Variants in FARP1 observed in about 807,000 individuals in gnomAD.
The protein encoded by FARP1 is FERM, ARHGEF and pleckstrin domain-containing protein 1.
In FARP1, 52 loss-of-function variants were observed where a neutral mutation model predicts 128.8. That is an observed-to-expected ratio of 0.40 (90% CI 0.32 to 0.51). The LOEUF (loss-of-function observed/expected upper bound fraction) is 0.51. Ranked by LOEUF, FARP1 falls within the 20% of genes least tolerant of loss-of-function variation. The probability of loss-of-function intolerance (pLI) is 0.45; values close to 1 mark genes in which losing one functional copy is unlikely to be tolerated. For missense variants in FARP1, 1,333 were observed against 1,367.9 expected, an observed-to-expected ratio of 0.97 and a Z score of 0.40; for synonymous variants, 580 against 551.8, an observed-to-expected ratio of 1.05 and a Z score of -0.72.
At position 98,300,264 on chromosome 13, in the gene FARP1, C is replaced by T. The variant is rs945799767; in HGVS notation, c.172-43498C>T. Among the ~76,000 whole-genome samples the T allele has an allele frequency of 5.3e-4, 81 of 152,160 alleles. 1 individual carries two copies. The highest frequency in any genetic ancestry group is 5.9e-4 in the Admixed American group (9 of 15,274). On this transcript the variant is annotated intron_variant, in intron 2 of 26. Transcript: ENST00000319562. ...GGGTTGGCCTCGAGTAGTGTGGGGA[C>T]GACAGGCTTTCACGTTAGTCACTTA...
At chr13:98,236,527 A>G (rs1882429508) in intron 2 of FARP1, among the ~76,000 whole-genome samples, 9 of 152,204 alleles carry the variant, frequency 5.9e-5, no homozygotes, top group Admixed American at 5.2e-4. Flanking sequence ...AAAAATAAAT[A>G]TATTGGAAAA....
intron 19 of FARP1, among the ~76,000 whole-genome samples, chr13:98,436,968 G>T (rs1327453217): frequency 2.6e-5 from 4 of 152,232 alleles, no homozygotes; most frequent in Non-Finnish European, 5.9e-5. Context: ...TGGATTGGAG[G>T]AGGTGGCCCT....
chr13:98,242,182 T>C (rs1314686005), intron 2 of FARP1, among the ~76,000 whole-genome samples: 3 of 152,166 alleles, frequency 2.0e-5, no homozygotes, highest in Non-Finnish European at 4.4e-5. Context: ...AAAGTGTTGT[T>C]TGAGATCTAT....
At chr13:98,315,360 C>T (rs1485566873) in intron 2 of FARP1, among the ~76,000 whole-genome samples, 3 of 152,150 alleles carry the variant, frequency 2.0e-5, no homozygotes, top group Non-Finnish European at 4.4e-5. Context: ...CCGCCTCTGC[C>T]TCCCAAAGTG....
At chr13:98,162,224 C>T (rs1876937331) in intron 1 of FARP1, among the ~76,000 whole-genome samples, 1 of 152,098 alleles carries the variant, frequency 6.6e-6, no homozygotes, top group Non-Finnish European at 1.5e-5. Flanking sequence ...TCTTAAGTGT[C>T]AGGGGAGACA....
At chr13:98,248,652 A>G (rs1355197322) in intron 2 of FARP1, among the ~76,000 whole-genome samples, 1 of 152,140 alleles carries the variant, frequency 6.6e-6, no homozygotes, top group African/African-American at 2.4e-5. Flanking sequence ...TTTCCTGGTC[A>G]TTTGTGGACC....
chr13:98,431,319 A>G (rs1482260180), intron 18 of FARP1, 39 bp downstream of exon 18: 9 of 1,444,772 alleles, frequency 6.2e-6, no homozygotes, highest in Middle Eastern at 2.3e-4. Flanking sequence ...TGCCCATGCC[A>G]CAGTTCAGGC....
At chr13:98,385,617 A>G (rs777160971) in intron 7 of FARP1, 50 bp from the exon 8 acceptor site, 8 of 1,596,280 alleles carry the variant, frequency 5.0e-6, no homozygotes, top group African/African-American at 1.3e-5. Flanking sequence ...ATTAATAGAT[A>G]CAGGGAATTC....
At chr13:98,277,915 C>G (rs1221647218) in intron 2 of FARP1, among the ~76,000 whole-genome samples, 1 of 112,874 alleles carries the variant, frequency 8.9e-6, no homozygotes, top group Non-Finnish European at 1.8e-5. Context: ...CCAGGTGATT[C>G]TATTGTGCAG....
intron 5 of FARP1, among the ~76,000 whole-genome samples, chr13:98,374,300 T>A (rs993060056): frequency 3.3e-5 from 5 of 152,220 alleles, no homozygotes; most frequent in African/African-American, 1.2e-4. Context: ...GGTGTGTACC[T>A]GTAATCACAG....
chr13:98,395,592 A>ATCCCGG (rs771563231), intron 13 of FARP1, 116 bp downstream of exon 13: 16 of 1,263,496 alleles, frequency 1.3e-5, no homozygotes, highest in East Asian at 2.4e-5. Flanking sequence ...CCCGGTCCCG[A>ATCCCGG]TCCCGGTCCC....
At chr13:98,348,901 G>A (rs1273884754) in intron 3 of FARP1, among the ~76,000 whole-genome samples, 1 of 152,206 alleles carries the variant, frequency 6.6e-6, no homozygotes, top group African/African-American at 2.4e-5. Context: ...AGCAAATCCA[G>A]AGAAGTAACG....
rs2140117382 is a variant in FARP1, at chr13:98,410,778, T to C, written c.1647T>C (p.Ser549=). The change falls in exon 15 of 27, where the codon TCT becomes TCC. Residue 549 remains serine, a synonymous_variant. Coordinates refer to ENST00000319562, the MANE Select transcript of FARP1 (RefSeq NM_005766.4). ...CGTACTTCATAGCTAAGGAAGTGTC[T>C]ACCACCGAGCGAACATATCTGAAGG... The part of the protein sequence containing the change: ...DKAYFIAKEV[S]TTERTYLKDL... 6.2e-7 allele frequency: 1 copy of C among 1,605,806 alleles called. No homozygotes were observed.
chr13:98,190,795 G>A (rs1453721887), intron 1 of FARP1, among the ~76,000 whole-genome samples: 1 of 146,324 alleles, frequency 6.8e-6, no homozygotes, highest in African/African-American at 2.6e-5. Flanking sequence ...GATTCTCCCC[G>A]CTTGGCCTCC....
At chr13:98,308,049 T>C (rs1886261490) in intron 2 of FARP1, among the ~76,000 whole-genome samples, 2 of 31,376 alleles carry the variant, frequency 6.4e-5, no homozygotes, top group Admixed American at 9.0e-4. Context: ...TTTTTTTTTT[T>C]TTTTTTTTTT....
At chr13:98,374,590 C>T (rs530830207) in intron 5 of FARP1, among the ~76,000 whole-genome samples, 72 of 152,294 alleles carry the variant, frequency 4.7e-4, no homozygotes, top group African/African-American at 1.7e-3. Context: ...ACACAGTATC[C>T]TACTTTCTGA....
chr13:98,277,148 A>ACACACACACACACACACACC lies in FARP1; in HGVS notation c.171+63736_171+63737insACACACACACACACACACCC, dbSNP rs372627844. On this transcript the variant is annotated intron_variant, in intron 2 of 26. Coordinates refer to ENST00000319562, the MANE Select transcript of FARP1 (RefSeq NM_005766.4). ...CACACACACACACACACACACACACACCCCATATGTATATATTAGAAGCAG... is the reference window on the plus strand; with the variant it reads ...CACACACACACACACACACACACACACACACACACACACACACACCCCCCATATGTATATATTAGAAGCAG... 1.6e-3 allele frequency among the ~76,000 whole-genome samples: 225 copies of ACACACACACACACACACACC among 138,632 alleles called. 1 individual carries two copies. Among genetic ancestry groups the ACACACACACACACACACACC allele is most frequent in the East Asian group, 3.9e-3 (19 of 4,906 alleles). 90.9% of individuals were successfully genotyped at this position (138,632 alleles called of 152,430 possible).
chr13:98,232,474 T>C (rs559849649), intron 2 of FARP1, among the ~76,000 whole-genome samples: 14 of 152,350 alleles, frequency 9.2e-5, no homozygotes, highest in African/African-American at 2.4e-4. Flanking sequence ...TTTGCAGATA[T>C]TGCGTTTTTT....
chr13:98,355,702 A>G (rs1361496739), intron 3 of FARP1, among the ~76,000 whole-genome samples: 1 of 152,218 alleles, frequency 6.6e-6, no homozygotes, highest in Non-Finnish European at 1.5e-5. Flanking sequence ...CCGTATTTGA[A>G]TTATCTAATT....
Sources: allele counts gnomAD v4.1 joint callset (sites outside exome capture counted in the v4.1 genomes callset), GRCh38; gene constraint gnomAD v4.1.1; transcripts MANE v1.5; gene names NCBI Gene and HGNC (gene_info 2026-07-23, HGNC 2026-07-21).